The following NRXN1 variants were observed in gnomAD, a reference collection of about 807,000 sequenced individuals.
The protein encoded by NRXN1 is neurexin 1.
A neutral mutation model predicts 150.9 loss-of-function variants in NRXN1; 39 were observed. That is an observed-to-expected ratio of 0.26 (90% confidence interval 0.20 to 0.34). NRXN1 has a LOEUF of 0.34. Ranked by LOEUF, NRXN1 falls within the 10% of genes least tolerant of loss-of-function variation. The probability of loss-of-function intolerance (pLI) is 1.00; values close to 1 mark genes in which losing one functional copy is unlikely to be tolerated. For synonymous variants in NRXN1, 924 were observed against 757.0 expected (o/e 1.22, Z -3.62); for missense variants, 1,815 against 1,949.9 (o/e 0.93, Z 1.30).
intron 8 of NRXN1, among the ~76,000 whole-genome samples, chr2:50,556,977 C>T (rs1668349293): frequency 6.6e-6 from 1 of 152,114 alleles, no homozygotes; most frequent in Non-Finnish European, 1.5e-5. Flanking sequence ...TTGTTCCTGA[C>T]CCCTTTCTGG....
intron 5 of NRXN1, among the ~76,000 whole-genome samples, chr2:50,760,930 A>C (rs932572862): frequency 6.6e-6 from 1 of 151,890 alleles, no homozygotes; most frequent in African/African-American, 2.4e-5. Context: ...TTGCTCACTC[A>C]ATACCTCCCA....
intron 5 of NRXN1, among the ~76,000 whole-genome samples, chr2:50,823,649 C>T (rs184346998): frequency 8.5e-4 from 129 of 152,058 alleles, no homozygotes; most frequent in Admixed American, 2.3e-3. Context: ...TAATTAAGTA[C>T]GCCAAATTGT....
At chr2:49,962,655 G>C (rs1261824843) in intron 21 of NRXN1, among the ~76,000 whole-genome samples, 1 of 152,130 alleles carries the variant, frequency 6.6e-6, no homozygotes, top group Non-Finnish European at 1.5e-5. Flanking sequence ...TAACGGTAGA[G>C]GGTAATATCT....
chr2:50,045,901 G>C (rs1487023582), intron 21 of NRXN1, among the ~76,000 whole-genome samples: 1 of 152,132 alleles, frequency 6.6e-6, no homozygotes, highest in African/African-American at 2.4e-5. Flanking sequence ...AGAATCATGA[G>C]CCCAATCTAG....
Position 50,117,540 on chromosome 2 carries a change from A to G in NRXN1, c.3547-26046T>C, listed in dbSNP as rs201783015. 1.3e-4 allele frequency among the ~76,000 whole-genome samples: 20 copies of G among 152,302 alleles called. No homozygotes were observed. The East Asian group carries it at 3.7e-3, about 28-fold the overall frequency. On this transcript the variant is annotated intron_variant, in intron 18 of 22. Transcript: ENST00000401669. ...TAAAAATATGTTTTTAATAAAGCCT[A>G]TAATACAGAATAGACAAACACCAAG...
At chr2:50,452,317 T>C (rs547211067) in intron 17 of NRXN1, among the ~76,000 whole-genome samples, 5 of 152,260 alleles carry the variant, frequency 3.3e-5, no homozygotes, top group African/African-American at 9.6e-5. Context: ...AGAAGAGCCT[T>C]AAACATAAGT....
At chr2:50,226,583 G>C (rs2064401310) in intron 18 of NRXN1, among the ~76,000 whole-genome samples, 1 of 151,954 alleles carries the variant, frequency 6.6e-6, no homozygotes, top group Admixed American at 6.6e-5. Context: ...GTGTGAGGTA[G>C]AATGTGGAGT....
chr2:50,360,843 A>C (rs892509422), intron 17 of NRXN1, among the ~76,000 whole-genome samples: 1 of 152,188 alleles, frequency 6.6e-6, no homozygotes, highest in Non-Finnish European at 1.5e-5. Context: ...CTTATTCTAA[A>C]ATTTACCACA....
At chr2:50,051,725 T>C (rs371514453) in intron 21 of NRXN1, among the ~76,000 whole-genome samples, 7 of 152,114 alleles carry the variant, frequency 4.6e-5, no homozygotes, top group African/African-American at 9.6e-5. Context: ...AAGGATCACA[T>C]TGCAGGCAAA....
At chr2:50,557,556 A>C (rs1668438204) in intron 8 of NRXN1, among the ~76,000 whole-genome samples, 1 of 152,162 alleles carries the variant, frequency 6.6e-6, no homozygotes, top group Non-Finnish European at 1.5e-5. Flanking sequence ...GACCTTGTGC[A>C]AGTTCCTCAA....
chr2:50,239,958 G>C (rs558873666), intron 17 of NRXN1, among the ~76,000 whole-genome samples: 335 of 151,022 alleles, frequency 2.2e-3, no homozygotes, highest in African/African-American at 7.7e-3. Flanking sequence ...TTTAGTTGGG[G>C]TACACTTCCC....
intron 8 of NRXN1, among the ~76,000 whole-genome samples, chr2:50,557,087 C>T (rs571939318): frequency 6.6e-6 from 1 of 152,274 alleles, no homozygotes; most frequent in South Asian, 2.1e-4. Context: ...ACTGCATCTT[C>T]TCGTACACAG....
At chr2:50,876,140 A>T (rs1426895352) in intron 5 of NRXN1, among the ~76,000 whole-genome samples, 1 of 151,860 alleles carries the variant, frequency 6.6e-6, no homozygotes, top group Non-Finnish European at 1.5e-5. Flanking sequence ...GATCCCAAGT[A>T]AAGATCTCAA....
intron 17 of NRXN1, among the ~76,000 whole-genome samples, chr2:50,419,395 G>T (rs1202109312): frequency 6.6e-6 from 1 of 151,982 alleles, no homozygotes; most frequent in African/African-American, 2.4e-5. Context: ...GCATCAGCTG[G>T]ACCCTGACCT....
chr2:50,793,700 A>C (rs1706390967), intron 5 of NRXN1, among the ~76,000 whole-genome samples: 1 of 152,052 alleles, frequency 6.6e-6, no homozygotes, highest in Admixed American at 6.6e-5. Flanking sequence ...AAAGGGACAT[A>C]CTGAGTAAGA....
intron 18 of NRXN1, among the ~76,000 whole-genome samples, chr2:50,153,171 G>C (rs2058795560): frequency 6.6e-6 from 1 of 151,384 alleles, no homozygotes; most frequent in Non-Finnish European, 1.5e-5. Context: ...TTCAGCTCTA[G>C]AACTTGTTTG....
intron 17 of NRXN1, among the ~76,000 whole-genome samples, chr2:50,350,746 C>A (rs1385820564): frequency 6.6e-6 from 1 of 152,088 alleles, no homozygotes; most frequent in Non-Finnish European, 1.5e-5. Flanking sequence ...CACTCCCCTG[C>A]CTGTCTTATA....
chr2:50,195,812 A>G (rs1356120771), intron 18 of NRXN1, among the ~76,000 whole-genome samples: 1 of 152,096 alleles, frequency 6.6e-6, no homozygotes, highest in Non-Finnish European at 1.5e-5. Context: ...ACTATTAATA[A>G]TATTAATGAT....
At chr2:50,133,294 C>A (rs941417968) in intron 18 of NRXN1, among the ~76,000 whole-genome samples, 2 of 108,274 alleles carry the variant, frequency 1.8e-5, no homozygotes, top group Admixed American at 2.5e-4. Flanking sequence ...TGGAAATGGG[C>A]GTAAGTACAG....
Sources: allele counts gnomAD v4.1 joint callset (sites outside exome capture counted in the v4.1 genomes callset), GRCh38; gene constraint gnomAD v4.1.1; transcripts MANE v1.5; gene names NCBI Gene and HGNC (gene_info 2026-07-23, HGNC 2026-07-21).